The following DOCK1 variants were observed in gnomAD, a reference collection of about 807,000 sequenced individuals.
DOCK1 encodes the protein dedicator of cytokinesis 1, also known as dedicator of cytokinesis protein 1.
Under a neutral mutation model 262.7 loss-of-function variants are expected in DOCK1, and 138 were observed. The ratio of observed to expected loss-of-function variants is 0.53; its 90% CI spans 0.46 to 0.61. DOCK1 has a LOEUF of 0.61. Ranked by LOEUF, DOCK1 falls within the 20% of genes least tolerant of loss-of-function variation. DOCK1 has a pLI of 0.00. For synonymous variants in DOCK1, 866 were observed against 867.4 expected (o/e 1.00, Z 0.03); for missense variants, 1,908 against 2,370.7 (o/e 0.80, Z 4.05).
intron 1 of DOCK1, among the ~76,000 whole-genome samples, chr10:126,959,107 C>G (rs1303023949): frequency 6.6e-6 from 1 of 152,116 alleles, no homozygotes; most frequent in Non-Finnish European, 1.5e-5. Context: ...GTCTAAAGAA[C>G]TGGGATAGAT....
chr10:127,291,621 G>A (rs111557044), intron 29 of DOCK1, among the ~76,000 whole-genome samples: 9 of 152,144 alleles, frequency 5.9e-5, no homozygotes, highest in East Asian at 1.9e-4. Context: ...AGTTGCTCAC[G>A]GTCAGACAGG....
At chr10:127,182,105 C>T (rs2055792225) in intron 27 of DOCK1, among the ~76,000 whole-genome samples, 2 of 152,002 alleles carry the variant, frequency 1.3e-5, no homozygotes, top group African/African-American at 2.4e-5. Flanking sequence ...GGAGGAAACA[C>T]GGAGATGGCA....
In DOCK1 at chr10:127,437,874, C is replaced by G. The variant is rs2069805037; in HGVS notation, c.5061-1153C>G. The stretch of plus-strand genomic sequence containing the variant: ...AACTAGAGCTAGGATGAAAATATGA[C>G]TGGCTGGCTAAATTATCTTCTCTTG... On this transcript the variant is annotated intron_variant, in intron 48 of 51. Coordinates refer to ENST00000623213, the MANE Select transcript of DOCK1 (RefSeq NM_001290223.2). This position sits in a 1 kb window ranked among gnomAD's most constrained non-coding sequence, Gnocchi z 4.4. Among the ~76,000 whole-genome samples, 1 of 152,204 alleles carries G rather than the reference C, an allele frequency of 6.6e-6. No homozygotes were observed. The highest frequency in any genetic ancestry group is 6.5e-5 in the Admixed American group (1 of 15,276).
At chr10:127,447,049 C>A (rs902480684) in intron 50 of DOCK1, among the ~76,000 whole-genome samples, 1 of 152,122 alleles carries the variant, frequency 6.6e-6, no homozygotes, top group Non-Finnish European at 1.5e-5. Context: ...TCCTGTGGCA[C>A]CCAGCTGTTT....
intron 28 of DOCK1, among the ~76,000 whole-genome samples, chr10:127,255,075 T>G (rs1198602504): frequency 2.0e-5 from 3 of 152,192 alleles, no homozygotes; most frequent in African/African-American, 7.2e-5. Context: ...AGCAGCCTGC[T>G]TATTGTATAA....
At chr10:127,361,088 GAGATTAATAAAGT>G (rs2064397889) in intron 32 of DOCK1, among the ~76,000 whole-genome samples, 2 of 148,872 alleles carry the variant, frequency 1.3e-5, no homozygotes, top group Non-Finnish European at 3.0e-5. Flanking sequence ...TAGGTGAAAT[GAGATTAATAAAGT>G]AGTTCTTTTT....
intron 27 of DOCK1, among the ~76,000 whole-genome samples, chr10:127,208,769 A>T (rs1160485129): frequency 6.6e-6 from 1 of 152,164 alleles, no homozygotes; most frequent in African/African-American, 2.4e-5. Context: ...ACACGATATC[A>T]TCTGTTAGAT....
Position 126,960,743 on chromosome 10 carries a change from T to TAC in DOCK1, c.47-9958_47-9957insCA, listed in dbSNP as rs1312547212. Among the ~76,000 whole-genome samples the TAC allele has an allele frequency of 4.7e-5, 6 of 127,590 alleles. No individual in the cohort carries two copies. The East Asian group carries it at 8.1e-4, about 17-fold the overall frequency. The allele number at this position is 127,590 out of a possible 152,430, so 83.7% of individuals were successfully genotyped here. On this transcript the variant is annotated intron_variant, in intron 1 of 51. Transcript: ENST00000623213. ...CCTCAAATATATATATATATATATA[T>TAC]ATACACACACACACACACAGACACA...
At chr10:127,389,774 G>A (rs139271704) in intron 38 of DOCK1, among the ~76,000 whole-genome samples, 198 of 152,196 alleles carry the variant, frequency 1.3e-3, no homozygotes, top group Middle Eastern at 0.01. Context: ...CCAGCACTTC[G>A]GGCTGAGGCG....
At chr10:127,373,727 T>A (rs991626074) in intron 33 of DOCK1, 54 bp from the exon 34 acceptor site, 1 of 1,488,464 alleles carries the variant, frequency 6.7e-7, no homozygotes, top group African/African-American at 1.4e-5. Context: ...ACTCAAGTCA[T>A]AAAATGAAAT....
chr10:127,104,926 AATAGGAGGTG>A (rs2048446669), intron 23 of DOCK1, among the ~76,000 whole-genome samples: 1 of 152,110 alleles, frequency 6.6e-6, no homozygotes, highest in Non-Finnish European at 1.5e-5. Context: ...GCTACCTTCT[AATAGGAGGTG>A]ATATGGTTTG....
intron 29 of DOCK1, among the ~76,000 whole-genome samples, chr10:127,280,791 TTC>T (rs1398635347): frequency 1.3e-5 from 2 of 152,178 alleles, no homozygotes; most frequent in East Asian, 3.9e-4. Flanking sequence ...GCAGATCTCT[TTC>T]TGTCTTTTTT....
In DOCK1 at chr10:126,962,340, G is replaced by A. The variant is rs2037294805; in HGVS notation, c.47-8362G>A. 2.6e-5 allele frequency among the ~76,000 whole-genome samples: 4 copies of A among 152,204 alleles called. No individual in the cohort carries two copies. In the South Asian group the frequency reaches 6.2e-4, roughly 24 times the overall value. Reference sequence around the variant, plus strand: ...ATGCCCGACTAATTTTGCATTTTTAGTAGAAATGGGGTTTCTCCATGTTGG... The same window carrying A: ...ATGCCCGACTAATTTTGCATTTTTAATAGAAATGGGGTTTCTCCATGTTGG... On this transcript the variant is annotated intron_variant, in intron 1 of 51. Coordinates refer to ENST00000623213, the MANE Select transcript of DOCK1 (RefSeq NM_001290223.2).
chr10:126,963,970 G>A (rs1376274224), intron 1 of DOCK1, among the ~76,000 whole-genome samples: 1 of 152,080 alleles, frequency 6.6e-6, no homozygotes, highest in East Asian at 1.9e-4. Context: ...TGAAGATAGA[G>A]TTTAGGAAAC....
Position 127,176,351 on chromosome 10 carries a change from C to G in DOCK1, c.2847+48587C>G, listed in dbSNP as rs541317255. The G allele has an allele frequency of 1.7e-5, 28 of 1,613,530 alleles. No homozygotes were observed. In the African/African-American group the frequency reaches 3.1e-4, roughly 18 times the overall value. On this transcript the variant is annotated intron_variant, in intron 27 of 51. Coordinates refer to ENST00000623213, the MANE Select transcript of DOCK1 (RefSeq NM_001290223.2). The surrounding 1 kb of genome is among the most constrained non-coding windows in gnomAD (Gnocchi z 4.4). ...GGCAGGCGGCGGGTTCCACTTCACTCTCCGACGTTGTGAGTATGCATTTGC... is the reference window on the plus strand; with the variant it reads ...GGCAGGCGGCGGGTTCCACTTCACTGTCCGACGTTGTGAGTATGCATTTGC...
intron 27 of DOCK1, among the ~76,000 whole-genome samples, chr10:127,220,396 T>A: frequency 6.6e-6 from 1 of 151,992 alleles, no homozygotes; most frequent in East Asian, 1.9e-4. Context: ...TGGGCAAGAA[T>A]GAACTGCACG....
At chr10:126,988,203 T>C (rs2134969010) in intron 5 of DOCK1, 1 of 152,342 alleles carries the variant, frequency 6.6e-6, no homozygotes, top group Non-Finnish European at 1.5e-5. Flanking sequence ...CTCTGACATC[T>C]TCCATTTCGT....
chr10:126,974,537 A>G (rs1397166659), intron 2 of DOCK1, among the ~76,000 whole-genome samples: 1 of 152,138 alleles, frequency 6.6e-6, no homozygotes, highest in East Asian at 1.9e-4. Context: ...AAGCCGTGCC[A>G]GGGAGAAGTT....
chr10:126,955,035 G>A (rs984867925), intron 1 of DOCK1, among the ~76,000 whole-genome samples: 4 of 152,324 alleles, frequency 2.6e-5, no homozygotes, highest in Non-Finnish European at 4.4e-5. Context: ...CAGTGCACAA[G>A]GGTTTCTGCT....
Sources: gnomAD v4.1 joint callset for allele counts (sites outside exome capture counted in the v4.1 genomes callset) on GRCh38, gnomAD v4.1.1 for gene constraint, Gnocchi (gnomAD v3.1) non-coding constraint, MANE v1.5 for transcripts, NCBI Gene and HGNC (gene_info 2026-07-23, HGNC 2026-07-21) for gene names.